SMC5: variants seen among roughly 807,000 people sequenced by gnomAD.
The protein encoded by SMC5 is structural maintenance of chromosomes protein 5.
A neutral mutation model predicts 148.3 loss-of-function variants in SMC5; 88 were observed. The ratio of observed to expected loss-of-function variants is 0.59; its 90% confidence interval spans 0.50 to 0.71. SMC5 has a LOEUF of 0.71. Among genes scored for constraint, SMC5 ranks in the 30% least tolerant of loss-of-function variants. SMC5 has a pLI of 0.00. For missense variants in SMC5, 1,142 were observed against 1,298.9 expected (o/e 0.88, Z 1.86); for synonymous variants, 421 against 432.8 (o/e 0.97, Z 0.34).
chr9:70,353,824 G>A lies in SMC5; in HGVS notation c.*1493G>A, dbSNP rs3739772. 41 of 152,190 alleles carry A rather than the reference G, an allele frequency of 2.7e-4. No homozygotes were observed. The East Asian group carries it at 7.1e-3, about 26-fold the overall frequency. The allele number at this position is 152,190 out of a possible 1,614,324, so 9.4% of individuals were successfully genotyped here. ...AGTCATGTAAACATTGAAGAACTTG[G>A]TAACATATTAGTAAATGGATATTAC... is the stretch of plus-strand genomic sequence containing the variant. On this transcript the variant is annotated 3_prime_UTR_variant, in exon 25 of 25. Coordinates refer to ENST00000361138, the MANE Select transcript of SMC5 (RefSeq NM_015110.4).
intron 8 of SMC5, among the ~76,000 whole-genome samples, chr9:70,289,623 CCT>C (rs1280374429): frequency 2.8e-4 from 43 of 151,896 alleles, no homozygotes; most frequent in African/African-American, 9.7e-5. Flanking sequence ...CTTGATTCCT[CCT>C]CTCTTTCTAT....
At chr9:70,268,554 A>T (rs1458161111) in intron 3 of SMC5, among the ~76,000 whole-genome samples, 1 of 151,932 alleles carries the variant, frequency 6.6e-6, no homozygotes. Flanking sequence ...TACTACTATT[A>T]AGTAGTCATG....
Position 70,281,948 on chromosome 9 carries a change from A to AT in SMC5, c.820-465dup, listed in dbSNP as rs561452482. ...TAATGTTGCCTTAGTGTGCCACTTA[A>AT]TTTTTTTTTAGCAAATACTCCTATG... is the stretch of plus-strand genomic sequence containing the variant. On this transcript the variant is annotated intron_variant, in intron 6 of 24. Coordinates refer to ENST00000361138, the MANE Select transcript of SMC5 (RefSeq NM_015110.4). Among the ~76,000 whole-genome samples the AT allele has an allele frequency of 1.3e-3, 195 of 148,158 alleles. 1 individual carries two copies. The highest frequency in any genetic ancestry group is 2.0e-3 in the Non-Finnish European group (134 of 67,010).
At chr9:70,302,389 A>T (rs1248375749) in intron 10 of SMC5, among the ~76,000 whole-genome samples, 1 of 152,164 alleles carries the variant, frequency 6.6e-6, no homozygotes, top group East Asian at 1.9e-4. Flanking sequence ...AGCTACTCGG[A>T]GGCTGAGGCA....
chr9:70,314,593 TA>T (rs1439999115), intron 11 of SMC5, 148 bp from the exon 12 acceptor site: 10 of 404,990 alleles, frequency 2.5e-5, no homozygotes. Flanking sequence ...ATTATCACAG[TA>T]AAAAAATTTA....
chr9:70,304,952 CTGTT>C (rs1004396075), intron 10 of SMC5, among the ~76,000 whole-genome samples: 3 of 152,062 alleles, frequency 2.0e-5, no homozygotes, highest in African/African-American at 4.8e-5. Context: ...CAATCTAAGA[CTGTT>C]TGAAATATTT....
At chr9:70,336,781 G>T (rs1029458105) in intron 17 of SMC5, among the ~76,000 whole-genome samples, 1 of 152,182 alleles carries the variant, frequency 6.6e-6, no homozygotes, top group Non-Finnish European at 1.5e-5. Context: ...GACCCATCAG[G>T]CAGATACTAT....
chr9:70,265,143 G>A (rs2034255812), intron 2 of SMC5, among the ~76,000 whole-genome samples: 2 of 152,096 alleles, frequency 1.3e-5, no homozygotes, highest in South Asian at 2.1e-4. Context: ...AGGAGGAGGA[G>A]GAGATAAGAA....
Position 70,314,820 on chromosome 9 carries a change from T to G in SMC5, c.1657T>G (p.Ser553Ala). 6.5e-7 allele frequency: 1 copy of G among 1,548,574 alleles called. No homozygotes were observed. Residue 553 changes from serine to alanine, a missense_variant, in exon 12 of 25, where the codon TCT becomes GCT. Physicochemically the swap from Ser to Ala is moderately conservative, Grantham distance 99. This residue lies in a region of SMC5 where 743 missense variants were observed against 835.7 expected (regional missense o/e 0.89). Coordinates refer to ENST00000361138, the MANE Select transcript of SMC5 (RefSeq NM_015110.4). ...SSYADKAPSR[S>A]LNELKQYGFF... ...ATATGCAGACAAAGCACCTTCAAGA[T>G]CTTTGAATGAACTTAAGTAAGTCTT... is the stretch of plus-strand genomic sequence containing the variant.
chr9:70,296,889 G>C (rs553580229), intron 8 of SMC5, among the ~76,000 whole-genome samples: 1 of 152,190 alleles, frequency 6.6e-6, no homozygotes, highest in East Asian at 1.9e-4. Flanking sequence ...TTACATAGCT[G>C]GTTATAAAAA....
chr9:70,309,318 C>CGTTTT (rs2035594091), intron 11 of SMC5, among the ~76,000 whole-genome samples: 7 of 79,160 alleles, frequency 8.8e-5, no homozygotes, highest in Non-Finnish European at 1.6e-4. Context: ...TTTCCTTTTC[C>CGTTTT]TTTTTTTTTT....
chr9:70,330,548 C>CT (rs71505381), intron 17 of SMC5, among the ~76,000 whole-genome samples: 21,202 of 128,826 alleles, frequency 0.16, 2,237 homozygotes, highest in East Asian at 0.39. Flanking sequence ...ATGTAACTTT[C>CT]TTTTTTTTTT....
rs562923415 is a variant in SMC5 at position 70,299,660 on chromosome 9, C to T, written c.1310-386C>T. Among the ~76,000 whole-genome samples the T allele has an allele frequency of 2.5e-3, 387 of 151,912 alleles. 1 individual carries two copies. The highest frequency in any genetic ancestry group is 8.9e-3 in the African/African-American group (367 of 41,452). On this transcript the variant is annotated intron_variant, in intron 9 of 24. Coordinates refer to ENST00000361138, the MANE Select transcript of SMC5 (RefSeq NM_015110.4). ...TTAAAATATTCTTATTTCATCATCC[C>T]CCCCCCTTTTTTAGTTTTGTTGTAT...
chr9:70,310,415 T>C (rs2035626503), intron 11 of SMC5, among the ~76,000 whole-genome samples: 1 of 152,198 alleles, frequency 6.6e-6, no homozygotes, highest in Non-Finnish European at 1.5e-5. Flanking sequence ...ATGTCTTTTT[T>C]TTCTGAGGAG....
At position 70,275,672 on chromosome 9, in the gene SMC5, A is replaced by G. The variant is rs1270266854; in HGVS notation, c.381-1638A>G. 2.0e-5 allele frequency among the ~76,000 whole-genome samples: 3 copies of G among 152,090 alleles called. No individual in the cohort carries two copies. In the East Asian group the frequency reaches 5.8e-4, roughly 29 times the overall value. The stretch of plus-strand genomic sequence containing the variant: ...GATCTTAGTTTATTTGATAGTAATC[A>G]TTCTCTTTTTCTGAAGATGCTTATA... On this transcript the variant is annotated intron_variant, in intron 3 of 24. Transcript: ENST00000361138.
intron 8 of SMC5, among the ~76,000 whole-genome samples, chr9:70,296,269 A>G (rs188903301): frequency 1.9e-3 from 286 of 152,348 alleles, no homozygotes; most frequent in African/African-American, 6.6e-3. Flanking sequence ...GCCATTTAGT[A>G]AAAAGAATAT....
At chr9:70,313,973 ATTG>A (rs1231415617) in intron 11 of SMC5, among the ~76,000 whole-genome samples, 6 of 151,960 alleles carry the variant, frequency 3.9e-5, no homozygotes, top group Admixed American at 6.6e-5. Flanking sequence ...TTCAGTGGGG[ATTG>A]TTGTTGTTTT....
At chr9:70,288,326 A>G (rs2034964298) in intron 8 of SMC5, among the ~76,000 whole-genome samples, 1 of 152,120 alleles carries the variant, frequency 6.6e-6, no homozygotes, top group Non-Finnish European at 1.5e-5. Flanking sequence ...CTCTTGGATC[A>G]GTTTCAATCA....
chr9:70,318,924 A>C lies in SMC5; in HGVS notation c.2111A>C (p.Lys704Thr). 6.2e-7 allele frequency: 1 copy of C among 1,610,356 alleles called. No homozygotes were observed. Among genetic ancestry groups the C allele is most frequent in the Non-Finnish European group, 8.5e-7 (1 of 1,178,798 alleles). ...GAGCTTCTTGAGAGAAAAACCAAGA[A>C]AAGACAACTGGAACAAAAAATCAGT... ...KKELLERKTK[K>T]RQLEQKISSK... Residue 704 changes from lysine to threonine, a missense_variant, in exon 15 of 25, where the codon AAA (lysine) becomes ACA (threonine). Around this residue, in one of 5 missense-constraint regions of SMC5, gnomAD observed 743 missense variants for 835.7 expected, o/e 0.89. Transcript: ENST00000361138.
Sources: gnomAD v4.1 joint callset for allele counts (sites outside exome capture counted in the v4.1 genomes callset) on GRCh38, gnomAD v4.1.1 for gene constraint, gnomAD v4.1.1 regional missense constraint, MANE v1.5 for transcripts, NCBI Gene and HGNC (gene_info 2026-07-23, HGNC 2026-07-21) for gene names.